Variants in GRHL2 observed in about 807,000 individuals in gnomAD.
GRHL2 encodes grainyhead like transcription factor 2.
In GRHL2, 21 loss-of-function variants were observed where a neutral mutation model predicts 83.8. The observed-to-expected ratio is 0.25, with a 90% CI of 0.18 to 0.36. GRHL2 has a LOEUF of 0.36. Among genes scored for constraint, GRHL2 ranks in the 10% least tolerant of loss-of-function variants. The pLI is 1.00. For synonymous variants in GRHL2, 280 were observed against 278.9 expected, an observed-to-expected ratio of 1.00 and a Z score of -0.04; for missense variants, 623 against 781.8, an observed-to-expected ratio of 0.80 and a Z score of 2.42.
At chr8:101,681,136 G>T in the GRHL2 span, among the ~76,000 whole-genome samples, 1 of 150,212 alleles carries the variant, frequency 6.7e-6, no homozygotes, top group Non-Finnish European at 1.5e-5. Flanking sequence ...ATGAATCCAG[G>T]AGCTGGTTTT....
At chr8:101,495,278 T>G (rs1563549451) in intron 1 of GRHL2, among the ~76,000 whole-genome samples, 1 of 152,238 alleles carries the variant, frequency 6.6e-6, no homozygotes, top group East Asian at 1.9e-4. Flanking sequence ...TCTTTCATAA[T>G]CCCATTGAGA....
chr8:101,656,716 T>A (rs1207845545), intron 14 of GRHL2, among the ~76,000 whole-genome samples: 1 of 152,244 alleles, frequency 6.6e-6, no homozygotes, highest in Non-Finnish European at 1.5e-5. Context: ...GATAATATTA[T>A]GAGGATAATA....
intron 7 of GRHL2, 68 bp from the exon 8 acceptor site, chr8:101,598,989 A>G (rs899728793): frequency 3.4e-5 from 36 of 1,054,902 alleles, no homozygotes; most frequent in Non-Finnish European, 5.2e-5. Context: ...TTGGAAAATG[A>G]TGGTTCAGTA....
chr8:101,517,232 C>A (rs953982034), intron 1 of GRHL2, among the ~76,000 whole-genome samples: 1 of 152,176 alleles, frequency 6.6e-6, no homozygotes, highest in Admixed American at 6.5e-5. Context: ...TCATCCGGGG[C>A]TTTCAGCAGT....
chr8:101,570,435 G>T (rs948744300), intron 5 of GRHL2, 41 bp downstream of exon 5: 1 of 1,477,346 alleles, frequency 6.8e-7, no homozygotes, highest in African/African-American at 1.4e-5. Flanking sequence ...CTGATTAACT[G>T]ATAAACCTTT....
At chr8:101,655,194 A>C (rs932096542) in intron 14 of GRHL2, among the ~76,000 whole-genome samples, 5 of 151,664 alleles carry the variant, frequency 3.3e-5, no homozygotes, top group Non-Finnish European at 5.9e-5. Context: ...AAAAAAAAAA[A>C]AAAGAAGAAG....
intron 7 of GRHL2, among the ~76,000 whole-genome samples, chr8:101,589,664 T>G (rs574765076): frequency 2.6e-5 from 4 of 152,318 alleles, no homozygotes; most frequent in African/African-American, 9.6e-5. Context: ...AAATATTAGA[T>G]GTAGCCTAAA....
intron 8 of GRHL2, among the ~76,000 whole-genome samples, chr8:101,607,714 T>G (rs1041706478): frequency 2.6e-5 from 4 of 152,188 alleles, no homozygotes; most frequent in Non-Finnish European, 5.9e-5. Context: ...GGCATTTTTT[T>G]ATGTGTTTGC....
chr8:101,540,793 CTT>C (rs942203208), intron 1 of GRHL2, among the ~76,000 whole-genome samples: 1 of 151,978 alleles, frequency 6.6e-6, no homozygotes, highest in Non-Finnish European at 1.5e-5. Flanking sequence ...TTTTTTTAGT[CTT>C]TTTTTATTTT....
intron 2 of GRHL2, among the ~76,000 whole-genome samples, chr8:101,548,924 T>G (rs954928782): frequency 2.6e-5 from 4 of 152,238 alleles, no homozygotes. Flanking sequence ...GGAATCCCTA[T>G]TCTTCTATTT....
At chr8:101,655,612 G>T (rs1813768754) in intron 14 of GRHL2, among the ~76,000 whole-genome samples, 1 of 132,442 alleles carries the variant, frequency 7.6e-6, no homozygotes, top group South Asian at 2.5e-4. Flanking sequence ...AAGAAAAAAA[G>T]TTCTCTATCA....
intron 1 of GRHL2, among the ~76,000 whole-genome samples, chr8:101,507,770 CTTTTTTTTTTT>C (rs11295472): frequency 2.9e-4 from 19 of 66,308 alleles, no homozygotes; most frequent in African/African-American, 1.2e-3. Context: ...ATGATTATCC[CTTTTTTTTTTT>C]TTTTTTTTTT....
intron 1 of GRHL2, 29 bp downstream of exon 1, chr8:101,492,818 C>T: frequency 6.2e-7 from 1 of 1,609,816 alleles, no homozygotes; most frequent in Non-Finnish European, 8.5e-7. Flanking sequence ...CCGGCTGCTG[C>T]TACTACTACC....
intron 1 of GRHL2, among the ~76,000 whole-genome samples, chr8:101,508,752 A>G (rs1184933552): frequency 6.6e-6 from 1 of 152,194 alleles, no homozygotes; most frequent in East Asian, 1.9e-4. Flanking sequence ...AGTGGCCACC[A>G]CATAAGCCTA....
downstream of GRHL2, among the ~76,000 whole-genome samples, chr8:101,670,391 A>G (rs527951682): frequency 1.3e-5 from 2 of 152,192 alleles, no homozygotes. Flanking sequence ...ACAGCTTTCA[A>G]ATCTTGGCTA....
intron 14 of GRHL2, among the ~76,000 whole-genome samples, chr8:101,663,264 C>T (rs1349674168): frequency 6.6e-6 from 1 of 152,294 alleles, no homozygotes; most frequent in South Asian, 2.1e-4. Flanking sequence ...AATATGAGAA[C>T]TGCTGTTTCT....
chr8:101,539,658 T>C (rs1462157735), intron 1 of GRHL2, among the ~76,000 whole-genome samples: 1 of 152,250 alleles, frequency 6.6e-6, no homozygotes, highest in Non-Finnish European at 1.5e-5. Flanking sequence ...ATTTTTCTAA[T>C]GGACTCTCCA....
At chr8:101,616,859 T>C (rs978702755) in intron 8 of GRHL2, among the ~76,000 whole-genome samples, 1 of 152,314 alleles carries the variant, frequency 6.6e-6, no homozygotes, top group East Asian at 1.9e-4. Flanking sequence ...ACTGAATGAA[T>C]GAATACATGA....
At position 101,603,725 on chromosome 8, in the gene GRHL2, G is replaced by T. The variant is rs143631320; in HGVS notation, c.1098+4574G>T. Among the ~76,000 whole-genome samples, 7 of 152,298 alleles carry T rather than the reference G, an allele frequency of 4.6e-5. No homozygotes were observed. In the South Asian group the frequency reaches 1.2e-3, roughly 27 times the overall value. ...TTTCTGCACAATGACACATGCAGCAGGAATAGTCTCCAACAGGATCAGCTT... is the reference window on the plus strand; with the variant it reads ...TTTCTGCACAATGACACATGCAGCATGAATAGTCTCCAACAGGATCAGCTT... On this transcript the variant is annotated intron_variant, in intron 8 of 15. Coordinates refer to ENST00000646743, the MANE Select transcript of GRHL2 (RefSeq NM_024915.4).
Sources: gnomAD v4.1 joint callset for allele counts (sites outside exome capture counted in the v4.1 genomes callset) on GRCh38, gnomAD v4.1.1 for gene constraint, MANE v1.5 for transcripts, NCBI Gene and HGNC (gene_info 2026-07-23, HGNC 2026-07-21) for gene names.